PCSK9: variants seen among roughly 807,000 people sequenced by gnomAD.
PCSK9 encodes convertase subtilisin/kexin type 9 preproprotein.
In PCSK9, 57 loss-of-function variants were observed where a neutral mutation model predicts 62.1. The observed-to-expected ratio is 0.92, with a 90% CI of 0.74 to 1.14. PCSK9 has a LOEUF of 1.14. Ranked by LOEUF, PCSK9 falls within the 50% of genes most tolerant of loss-of-function variation. The probability of loss-of-function intolerance (pLI) is 0.00; values close to 1 mark genes in which losing one functional copy is unlikely to be tolerated. For missense variants in PCSK9, 870 were observed against 959.8 expected (o/e 0.91, Z 1.24); for synonymous variants, 387 against 409.4 (o/e 0.95, Z 0.66).
At chr1:55,050,691 T>G (rs543871852) in intron 3 of PCSK9, among the ~76,000 whole-genome samples, 1 of 152,104 alleles carries the variant, frequency 6.6e-6, no homozygotes, top group South Asian at 2.1e-4. Flanking sequence ...CCTACTAGCA[T>G]AGTGGGTGGG....
intron 10 of PCSK9, 110 bp from the exon 11 acceptor site, chr1:55,061,265 G>T (rs1219418925): frequency 1.6e-6 from 2 of 1,243,648 alleles, no homozygotes; most frequent in Non-Finnish European, 2.2e-6. Context: ...TTGTTTCTAG[G>T]TTTCCTAGCT....
Position 55,063,463 on chromosome 1 carries a change from C to T in PCSK9, c.1958C>T (p.Thr653Met), listed in dbSNP as rs759099468. ...HVLGAYAVDNTCVVRSRDVST... is the reference protein window; with the variant it reads ...HVLGAYAVDNMCVVRSRDVST... ...CTGGGGGCCTACGCCGTAGACAACACGTGTGTAGTCAGGAGCCGGGACGTC... is the reference window on the plus strand; with the variant it reads ...CTGGGGGCCTACGCCGTAGACAACATGTGTGTAGTCAGGAGCCGGGACGTC... The change falls in exon 12 of 12, where the codon ACG becomes ATG. Residue 653 changes from threonine to methionine, a missense_variant. Transcript: ENST00000302118. 6.2e-6 allele frequency: 10 copies of T among 1,614,022 alleles called. No homozygotes were observed. Among genetic ancestry groups the T allele is most frequent in the South Asian group, 2.2e-5 (2 of 91,092 alleles).
chr1:55,046,038 G>A (rs1570295662), intron 2 of PCSK9, among the ~76,000 whole-genome samples: 1 of 152,306 alleles, frequency 6.6e-6, no homozygotes, highest in African/African-American at 2.4e-5. Flanking sequence ...TCTAACTCCT[G>A]CTAGTGCCTC....
At chr1:55,047,569 A>G (rs1226448897) in intron 3 of PCSK9, among the ~76,000 whole-genome samples, 2 of 152,162 alleles carry the variant, frequency 1.3e-5, no homozygotes, top group Non-Finnish European at 2.9e-5. Context: ...TGAGACTCCA[A>G]TGAGTTGAAG....
intron 1 of PCSK9, among the ~76,000 whole-genome samples, chr1:55,043,340 C>T (rs1339311010): frequency 6.6e-6 from 1 of 152,184 alleles, no homozygotes; most frequent in African/African-American, 2.4e-5. Flanking sequence ...GTCATAGGTA[C>T]TGTGGTCTCT....
rs28362258 is a variant in PCSK9 at position 55,057,123 on chromosome 1, C to T, written c.997-208C>T. 6.5e-3 allele frequency among the ~76,000 whole-genome samples: 993 copies of T among 152,330 alleles called. 12 individuals carry two copies. Among genetic ancestry groups the T allele is most frequent in the African/African-American group, 0.022 (904 of 41,574 alleles). On this transcript the variant is annotated intron_variant, in intron 6 of 11. Coordinates refer to ENST00000302118, the MANE Select transcript of PCSK9 (RefSeq NM_174936.4). Reference sequence around the variant, plus strand: ...CAGGGGCATTGGGAATGCTGCCTGGCTATGGTAGGGACAGAGGGGAGCACC... The same window carrying T: ...CAGGGGCATTGGGAATGCTGCCTGGTTATGGTAGGGACAGAGGGGAGCACC...
chr1:55,049,374 C>A lies in PCSK9; in HGVS notation c.523+2728C>A, dbSNP rs28362229. On this transcript the variant is annotated intron_variant, in intron 3 of 11. Transcript: ENST00000302118. ...CAGTCTGAGCTTCTCAGGCGTATGG[C>A]AGGGCTGCCTGGTGAGAGGGAATGA... 2.0e-3 allele frequency among the ~76,000 whole-genome samples: 309 copies of A among 152,344 alleles called. 1 individual carries two copies. The highest frequency in any genetic ancestry group is 7.3e-3 in the African/African-American group (302 of 41,582).
intron 2 of PCSK9, among the ~76,000 whole-genome samples, chr1:55,045,963 C>T (rs1570295597): frequency 1.3e-5 from 2 of 152,106 alleles, no homozygotes; most frequent in Non-Finnish European, 2.9e-5. Flanking sequence ...CCCACCTCGG[C>T]CTCCCAAAGT....
At chr1:55,058,908 A>G (rs749502601) in intron 9 of PCSK9, among the ~76,000 whole-genome samples, 3 of 152,122 alleles carry the variant, frequency 2.0e-5, no homozygotes, top group Non-Finnish European at 2.9e-5. Flanking sequence ...TGGATTTTCA[A>G]TGCTCACCTG....
chr1:55,059,871 GA>G (rs1303019383), intron 10 of PCSK9, among the ~76,000 whole-genome samples: 1 of 152,210 alleles, frequency 6.6e-6, no homozygotes, highest in African/African-American at 2.4e-5. Flanking sequence ...CCATAAGAGG[GA>G]AAAAGGTATT....
rs1412398663 is a variant in PCSK9 at position 55,055,930 on chromosome 1, G to T, written c.800-63G>T. 1.2e-5 allele frequency: 17 copies of T among 1,475,860 alleles called. No individual in the cohort carries two copies. The East Asian group carries it at 4.2e-4, about 37-fold the overall frequency. The allele number at this position is 1,475,860 out of a possible 1,614,324, so 91.4% of individuals were successfully genotyped here. A position where few individuals can be genotyped will look rare whatever the true frequency, so the allele number is the denominator to read the frequency against. ...ATTAACCATCACTCTGTGCCTGTAAGGGAGGGGCTGGGAAAGGGGAGCAGG... is the reference window on the plus strand; with the variant it reads ...ATTAACCATCACTCTGTGCCTGTAATGGAGGGGCTGGGAAAGGGGAGCAGG... On this transcript the variant is annotated intron_variant, in intron 5 of 11. Transcript: ENST00000302118.
rs975893707 is a variant in PCSK9, at chr1:55,039,599, G to C, written c.-239G>C. 3.3e-6 allele frequency: 2 copies of C among 600,622 alleles called. No homozygotes were observed. The highest frequency in any genetic ancestry group is 5.9e-6 in the Non-Finnish European group (2 of 340,266). The allele number at this position is 600,622 out of a possible 1,614,324, so 37.2% of individuals were successfully genotyped here. On this transcript the variant is annotated 5_prime_UTR_variant, in exon 1 of 12. Transcript: ENST00000302118. ...AGGCGGGCGCCGCCGTTCAGTTCAGGGTCTGAGCCTGGAGGAGTGAGCCAG... is the reference window on the plus strand; with the variant it reads ...AGGCGGGCGCCGCCGTTCAGTTCAGCGTCTGAGCCTGGAGGAGTGAGCCAG...
intron 3 of PCSK9, among the ~76,000 whole-genome samples, chr1:55,049,275 A>G (rs914452742): frequency 1.3e-5 from 2 of 152,202 alleles, no homozygotes; most frequent in Non-Finnish European, 2.9e-5. Context: ...GCCTGTGCAG[A>G]AGGGACCGAG....
At chr1:55,043,709 G>A (rs1644613340) in intron 1 of PCSK9, 134 bp from the exon 2 acceptor site, 2 of 1,064,660 alleles carry the variant, frequency 1.9e-6, no homozygotes, top group Non-Finnish European at 2.8e-6. Flanking sequence ...GTCCGCATTT[G>A]GTAACTTCTT....
At position 55,056,047 on chromosome 1, in the gene PCSK9, T is replaced by C. The variant is rs894672817; in HGVS notation, c.854T>C (p.Val285Ala). The change falls in exon 6 of 12, where the codon GTG becomes GCG. Residue 285 changes from valine (V) to alanine (A), a missense_variant. Physicochemically the swap from Val to Ala is moderately conservative, Grantham distance 64. Coordinates refer to ENST00000302118, the MANE Select transcript of PCSK9 (RefSeq NM_174936.4). Reference sequence around the variant, plus strand: ...GTCCAGCCTGTGGGGCCACTGGTGGTGCTGCTGCCCCTGGCGGGTGGGTAC... The same window carrying C: ...GTCCAGCCTGTGGGGCCACTGGTGGCGCTGCTGCCCCTGGCGGGTGGGTAC... ...QLVQPVGPLV[V>A]LLPLAGGYSR... The C allele has an allele frequency of 7.5e-6, 12 of 1,609,296 alleles. No homozygotes were observed. In the African/African-American group the frequency reaches 1.6e-4, roughly 22 times the overall value.
intron 11 of PCSK9, 45 bp from the exon 12 acceptor site, chr1:55,063,324 C>T (rs1196894335): frequency 3.7e-5 from 59 of 1,586,352 alleles, no homozygotes; most frequent in East Asian, 4.6e-5. Flanking sequence ...GTGGGGGTCC[C>T]GGGCCACGCT....
At position 55,061,547 on chromosome 1, in the gene PCSK9, T is replaced by C; in HGVS notation, c.1854T>C (p.Pro618=). ...TCAAGGAGCATGGAATCCCGGCCCCTCAGGAGCAGGTGAAGAGGCCCGTGA... is the reference window on the plus strand; with the variant it reads ...TCAAGGAGCATGGAATCCCGGCCCCCCAGGAGCAGGTGAAGAGGCCCGTGA... ...CKVKEHGIPA[P]QEQVTVACEE... The change falls in exon 11 of 12, where the codon CCT becomes CCC. Residue 618 remains proline, a synonymous_variant. Transcript: ENST00000302118. 1 of 1,596,930 alleles carries C rather than the reference T, an allele frequency of 6.3e-7. No homozygotes were observed. Among genetic ancestry groups the C allele is most frequent in the Non-Finnish European group, 8.5e-7 (1 of 1,172,114 alleles).
In PCSK9 at chr1:55,040,088, G is replaced by A; in HGVS notation, c.207+44G>A. 6.5e-7 allele frequency: 1 copy of A among 1,542,978 alleles called. No individual in the cohort carries two copies. The highest frequency in any genetic ancestry group is 1.2e-5 in the South Asian group (1 of 83,774). ...GAGGCCGGGGCGAACCCGCAGCCGG[G>A]ACGGTGCGGTGCTGTTTCCTCTCGG... On this transcript the variant is annotated intron_variant, in intron 1 of 11. Transcript: ENST00000302118. The surrounding 1 kb of genome is among the most constrained non-coding windows in gnomAD (Gnocchi z 4.1).
intron 10 of PCSK9, 75 bp from the exon 11 acceptor site, chr1:55,061,299 AG>A: frequency 6.8e-7 from 1 of 1,463,484 alleles, no homozygotes; most frequent in Non-Finnish European, 9.3e-7. Flanking sequence ...TTAAAGAGAG[AG>A]GGTCTGATGG....
Sources: gnomAD v4.1 joint callset for allele counts (sites outside exome capture counted in the v4.1 genomes callset) on GRCh38, gnomAD v4.1.1 for gene constraint, Gnocchi (gnomAD v3.1) non-coding constraint, MANE v1.5 for transcripts, NCBI Gene and HGNC (gene_info 2026-07-23, HGNC 2026-07-21) for gene names.